The following NCOR2 variants were observed in gnomAD, a reference collection of about 807,000 sequenced individuals.
NCOR2 encodes CTG repeat protein 26.
A neutral mutation model predicts 262.9 loss-of-function variants in NCOR2; 81 were observed. The ratio of observed to expected loss-of-function variants is 0.31; its 90% CI spans 0.26 to 0.37. The LOEUF (loss-of-function observed/expected upper bound fraction) is 0.37. NCOR2 is among the 10% of genes least tolerant of loss of function. The pLI, the probability that NCOR2 is intolerant of heterozygous loss-of-function variation, is 1.00. For synonymous variants in NCOR2, 1,659 were observed against 1,559.3 expected, an observed-to-expected ratio of 1.06 and a Z score of -1.51; for missense variants, 3,385 against 3,621.4, an observed-to-expected ratio of 0.93 and a Z score of 1.68.
At chr12:124,359,425 C>CA (rs2038324089) in intron 22 of NCOR2, among the ~76,000 whole-genome samples, 1 of 152,224 alleles carries the variant, frequency 6.6e-6, no homozygotes, top group Admixed American at 6.5e-5. Context: ...GCCTATGTAC[C>CA]AAATTGCCCC....
Position 124,502,698 on chromosome 12 carries a change from A to G in NCOR2, c.-117-7330T>C, listed in dbSNP as rs528185249. On this transcript the variant is annotated intron_variant, in intron 1 of 46. Transcript: ENST00000404621. The stretch of plus-strand genomic sequence containing the variant: ...GGGTGTTCACTGCAAGGGAGCTAGG[A>G]AGGACACAGCTGGTGCACTTTAAAC... 2.0e-5 allele frequency among the ~76,000 whole-genome samples: 3 copies of G among 152,226 alleles called. No homozygotes were observed. The East Asian group carries it at 5.8e-4, about 29-fold the overall frequency.
chr12:124,350,267 C>T (rs116371698), intron 28 of NCOR2, among the ~76,000 whole-genome samples: 3,080 of 152,150 alleles, frequency 0.02, 114 homozygotes, highest in African/African-American at 0.07. Context: ...TGAGAGAGTG[C>T]GTGGTTTGTC....
chr12:124,422,146 C>A (rs533275951), intron 12 of NCOR2, among the ~76,000 whole-genome samples: 1 of 152,224 alleles, frequency 6.6e-6, no homozygotes, highest in Non-Finnish European at 1.5e-5. Flanking sequence ...CAGAATCCAC[C>A]CCCAGTTTGC....
In NCOR2 at chr12:124,431,180, TCACA is replaced by T. The variant is rs557108196; in HGVS notation, c.883-397_883-394del. ...CACAGACACACACAGATACACAAAGTCACACAGACATGCACACACAGGCACACAC... is the reference window on the plus strand; with the variant it reads ...CACAGACACACACAGATACACAAAGTCAGACATGCACACACAGGCACACAC... On this transcript the variant is annotated intron_variant, in intron 8 of 46. Coordinates refer to ENST00000405201, the Ensembl canonical transcript of NCOR2. Among the ~76,000 whole-genome samples the T allele has an allele frequency of 4.8e-4, 52 of 108,672 alleles. 1 individual carries two copies. In the East Asian group the frequency reaches 0.01, roughly 22 times the overall value. The allele number at this position is 108,672 out of a possible 152,430, so 71.3% of individuals were successfully genotyped here. A position where few individuals can be genotyped will look rare whatever the true frequency, so the allele number is the denominator to read the frequency against.
At chr12:124,367,173 C>G (rs1406580876) in intron 20 of NCOR2, among the ~76,000 whole-genome samples, 1 of 152,084 alleles carries the variant, frequency 6.6e-6, no homozygotes, top group East Asian at 1.9e-4. Context: ...CCTTGGTTTC[C>G]CTGTGGCCCC....
intron 6 of NCOR2, among the ~76,000 whole-genome samples, chr12:124,451,632 C>G (rs758301378): frequency 5.3e-5 from 8 of 152,172 alleles, no homozygotes; most frequent in Non-Finnish European, 7.4e-5. Context: ...ATGCACACAG[C>G]AGGAGCCTCC....
At chr12:124,403,957 G>C (rs1445830088) in intron 13 of NCOR2, among the ~76,000 whole-genome samples, 1 of 152,224 alleles carries the variant, frequency 6.6e-6, no homozygotes, top group Admixed American at 6.5e-5. Context: ...GGAAGGGGCA[G>C]AGTTGCCCGA....
intron 1 of NCOR2, among the ~76,000 whole-genome samples, chr12:124,487,681 C>G (rs989033448): frequency 6.6e-6 from 1 of 152,254 alleles, no homozygotes; most frequent in Non-Finnish European, 1.5e-5. Context: ...AGCCTGGTCT[C>G]TCTCCCTTAT....
chr12:124,447,772 C>T (rs2045275355), intron 7 of NCOR2, among the ~76,000 whole-genome samples: 1 of 151,838 alleles, frequency 6.6e-6, no homozygotes, highest in South Asian at 2.1e-4. Flanking sequence ...TCACGGCTCA[C>T]TGCAGCCCTG....
rs1048707328 is a variant in NCOR2, at chr12:124,517,800, G to A, written c.-118+17765C>T. Among the ~76,000 whole-genome samples the A allele has an allele frequency of 3.3e-5, 5 of 152,172 alleles. No homozygotes were observed. Among genetic ancestry groups the A allele is most frequent in the African/African-American group, 4.8e-5 (2 of 41,436 alleles). Reference sequence around the variant, plus strand: ...CCCGGCCTGCCCGGCCAGCGCCTCCGAGCGCTCTTTTCCGTGACTGCAGCA... The same window carrying A: ...CCCGGCCTGCCCGGCCAGCGCCTCCAAGCGCTCTTTTCCGTGACTGCAGCA... On this transcript the variant is annotated intron_variant, in intron 1 of 46. Coordinates refer to the NCOR2 transcript ENST00000404621. This position sits in a 1 kb window ranked among gnomAD's most constrained non-coding sequence, Gnocchi z 7.6.
At chr12:124,351,643 C>T (rs1416172175) in intron 27 of NCOR2, among the ~76,000 whole-genome samples, 1 of 152,146 alleles carries the variant, frequency 6.6e-6, no homozygotes, top group East Asian at 1.9e-4. Context: ...TTCAAGAACA[C>T]AAGCATCAGA....
At chr12:124,436,754 A>G (rs552478144) in intron 8 of NCOR2, among the ~76,000 whole-genome samples, 4 of 152,300 alleles carry the variant, frequency 2.6e-5, no homozygotes, top group African/African-American at 9.6e-5. Flanking sequence ...ATTCAGGTTC[A>G]GTTTGTCAAT....
intron 14 of NCOR2, among the ~76,000 whole-genome samples, chr12:124,401,323 A>C (rs1289059184): frequency 6.6e-6 from 1 of 152,178 alleles, no homozygotes; most frequent in African/African-American, 2.4e-5. Flanking sequence ...TTATTCCCCA[A>C]ATGGGAGGTA....
chr12:124,443,691 C>T lies in NCOR2; in HGVS notation c.816-5695G>A, dbSNP rs142689181. ...CTAATTTTCGTATTTTTAGTAGAGACGGGGTTTCACTATATTGGCCAGGCT... is the reference window on the plus strand; with the variant it reads ...CTAATTTTCGTATTTTTAGTAGAGATGGGGTTTCACTATATTGGCCAGGCT... On this transcript the variant is annotated intron_variant, in intron 7 of 46. Transcript: ENST00000405201. The surrounding 1 kb of genome is among the most constrained non-coding windows in gnomAD (Gnocchi z 4.4). 4.1e-3 allele frequency among the ~76,000 whole-genome samples: 630 copies of T among 152,058 alleles called. 11 individuals carry two copies. Among genetic ancestry groups the T allele is most frequent in the African/African-American group, 0.015 (605 of 41,480 alleles).
intron 17 of NCOR2, among the ~76,000 whole-genome samples, chr12:124,379,853 G>T (rs1173880181): frequency 1.3e-5 from 2 of 152,246 alleles, no homozygotes; most frequent in East Asian, 3.8e-4. Context: ...GGACACGAAG[G>T]CCCTGTGGCA....
upstream of NCOR2, among the ~76,000 whole-genome samples, chr12:124,499,991 T>G (rs1249895167): frequency 3.3e-5 from 5 of 152,078 alleles, no homozygotes; most frequent in Non-Finnish European, 7.4e-5. Context: ...AACAGCTCGC[T>G]GCAGGAGTCC....
At position 124,416,745 on chromosome 12, in the gene NCOR2, A is replaced by G. The variant is rs1054563455; in HGVS notation, c.1482+3212T>C. Reference sequence around the variant, plus strand: ...CACAGGGAGTCCCCGCGGCACAGATAGACCCCGCGGCACAGGGAGTCCCCG... The same window carrying G: ...CACAGGGAGTCCCCGCGGCACAGATGGACCCCGCGGCACAGGGAGTCCCCG... On this transcript the variant is annotated intron_variant, in intron 13 of 46. Transcript: ENST00000405201. 7.0e-5 allele frequency among the ~76,000 whole-genome samples: 10 copies of G among 141,934 alleles called. No homozygotes were observed. In the East Asian group the frequency reaches 7.2e-4, roughly 10 times the overall value. 93.1% of individuals were successfully genotyped at this position (141,934 alleles called of 152,430 possible).
intron 8 of NCOR2, among the ~76,000 whole-genome samples, chr12:124,431,924 C>T (rs1001921498): frequency 1.3e-5 from 2 of 151,296 alleles, no homozygotes; most frequent in Non-Finnish European, 2.9e-5. Flanking sequence ...AGCCAGCCAG[C>T]CAGACACACA....
intron 24 of NCOR2, 94 bp from the exon 27 acceptor site, chr12:124,355,033 G>C: frequency 9.4e-7 from 1 of 1,061,230 alleles, no homozygotes; most frequent in South Asian, 1.4e-5. Flanking sequence ...GCCCACGTGT[G>C]GGTCAGAGGC....
Sources: gnomAD v4.1 joint callset for allele counts (sites outside exome capture counted in the v4.1 genomes callset) on GRCh38, gnomAD v4.1.1 for gene constraint, Gnocchi (gnomAD v3.1) non-coding constraint, MANE v1.5 for transcripts, NCBI Gene and HGNC (gene_info 2026-07-23, HGNC 2026-07-21) for gene names.